The following LINGO2 variants were observed in gnomAD, a reference collection of about 807,000 sequenced individuals.
The protein encoded by LINGO2 is leucine rich repeat and Ig domain containing 2.
LINGO2 carries 14 observed loss-of-function variants against 30.6 expected under a neutral mutation model. The ratio of observed to expected loss-of-function variants is 0.46; its 90% confidence interval spans 0.30 to 0.72. The LOEUF (loss-of-function observed/expected upper bound fraction) is 0.72. Among genes scored for constraint, LINGO2 ranks in the 30% least tolerant of loss-of-function variants. The pLI is 0.07. For synonymous variants in LINGO2, 317 were observed against 288.5 expected (o/e 1.10, Z -1.00); for missense variants, 729 against 751.7 (o/e 0.97, Z 0.35).
intron 1 of LINGO2, among the ~76,000 whole-genome samples, chr9:28,634,758 TTA>T (rs1827177418): frequency 6.6e-6 from 1 of 152,096 alleles, no homozygotes; most frequent in Non-Finnish European, 1.5e-5. Context: ...AGTGCTAGGA[TTA>T]CAGGCATGAG....
At chr9:28,447,589 G>A (rs1365919191) in intron 2 of LINGO2, among the ~76,000 whole-genome samples, 1 of 152,122 alleles carries the variant, frequency 6.6e-6, no homozygotes, top group Non-Finnish European at 1.5e-5. Context: ...AAGTCAGCCT[G>A]GGGAACATAG....
the LINGO2 span, among the ~76,000 whole-genome samples, chr9:29,102,289 G>A: frequency 2.6e-5 from 4 of 152,042 alleles, no homozygotes; most frequent in Non-Finnish European, 5.9e-5. Flanking sequence ...CACCGTAGTA[G>A]CCAGTATGGT....
intron 4 of LINGO2, among the ~76,000 whole-genome samples, chr9:28,084,513 A>G (rs1313513023): frequency 2.0e-5 from 3 of 152,134 alleles, no homozygotes; most frequent in Admixed American, 2.0e-4. Flanking sequence ...GTACTTATCA[A>G]TATTATCTTA....
the LINGO2 span, among the ~76,000 whole-genome samples, chr9:29,090,283 T>C: frequency 6.6e-6 from 1 of 152,044 alleles, no homozygotes; most frequent in Non-Finnish European, 1.5e-5. Context: ...GTGCCATTAT[T>C]CTACCACCCA....
At chr9:28,040,909 G>C (rs896554447) in intron 4 of LINGO2, among the ~76,000 whole-genome samples, 2 of 152,170 alleles carry the variant, frequency 1.3e-5, no homozygotes, top group African/African-American at 4.8e-5. Context: ...AGATGCTATA[G>C]AGGTAGAGGA....
the LINGO2 span, among the ~76,000 whole-genome samples, chr9:28,851,191 T>G: frequency 1.3e-5 from 2 of 152,072 alleles, no homozygotes; most frequent in African/African-American, 4.8e-5. Flanking sequence ...AACACAGATT[T>G]ATTATCATTG....
At chr9:28,283,547 G>A (rs1823400648) in intron 4 of LINGO2, among the ~76,000 whole-genome samples, 1 of 152,032 alleles carries the variant, frequency 6.6e-6, no homozygotes, top group African/African-American at 2.4e-5. Context: ...CATAGGGATT[G>A]GATTATTAAT....
At chr9:28,953,689 A>C in the LINGO2 span, among the ~76,000 whole-genome samples, 1 of 152,114 alleles carries the variant, frequency 6.6e-6, no homozygotes, top group Non-Finnish European at 1.5e-5. Context: ...TCTGATATAG[A>C]CATGTATTTT....
At chr9:28,742,342 AGTATTTTT>A in the LINGO2 span, among the ~76,000 whole-genome samples, 1 of 151,460 alleles carries the variant, frequency 6.6e-6, no homozygotes, top group Non-Finnish European at 1.5e-5. Flanking sequence ...ATATTGCCGA[AGTATTTTT>A]GTATGCAGAT....
the LINGO2 span, among the ~76,000 whole-genome samples, chr9:29,080,179 GTA>G: frequency 2.9e-4 from 44 of 152,160 alleles, 1 homozygote; most frequent in South Asian, 7.1e-3. Flanking sequence ...TTGGGAGGGG[GTA>G]TGTGACCAGG....
At chr9:28,834,349 T>C in the LINGO2 span, among the ~76,000 whole-genome samples, 1 of 152,192 alleles carries the variant, frequency 6.6e-6, no homozygotes, top group Admixed American at 6.5e-5. Context: ...TCTGTTACTA[T>C]GGTAATTCTT....
chr9:27,993,998 A>G (rs1821529848), intron 5 of LINGO2, among the ~76,000 whole-genome samples: 1 of 152,134 alleles, frequency 6.6e-6, no homozygotes, highest in African/African-American at 2.4e-5. Context: ...ATAACGAGGA[A>G]CTTTGGAAAC....
the LINGO2 span, among the ~76,000 whole-genome samples, chr9:28,722,485 G>T: frequency 6.6e-6 from 1 of 152,066 alleles, no homozygotes. Context: ...GAAGAGCAAA[G>T]CAGTCTAAAA....
intron 4 of LINGO2, among the ~76,000 whole-genome samples, chr9:28,241,267 C>CAAAAAAAAAAA (rs1164724626): frequency 2.4e-5 from 2 of 83,606 alleles, no homozygotes; most frequent in African/African-American, 4.8e-5. Context: ...GACCCTGTCT[C>CAAAAAAAAAAA]AAAAAAAAAA....
chr9:28,250,535 A>C (rs894686433), intron 4 of LINGO2, among the ~76,000 whole-genome samples: 34 of 152,154 alleles, frequency 2.2e-4, no homozygotes, highest in African/African-American at 8.2e-4. Context: ...GCAGTTTTGC[A>C]GGACAGAAAA....
At chr9:29,139,244 G>A in the LINGO2 span, among the ~76,000 whole-genome samples, 1 of 152,110 alleles carries the variant, frequency 6.6e-6, no homozygotes, top group East Asian at 1.9e-4. Context: ...TGAGATGTCT[G>A]AAGCCCTAGC....
At chr9:28,990,207 G>C in the LINGO2 span, among the ~76,000 whole-genome samples, 1 of 152,176 alleles carries the variant, frequency 6.6e-6, no homozygotes, top group East Asian at 1.9e-4. Flanking sequence ...ATTATATCCC[G>C]CATCCGGCTC....
At chr9:28,796,541 C>T in the LINGO2 span, among the ~76,000 whole-genome samples, 1 of 152,052 alleles carries the variant, frequency 6.6e-6, no homozygotes, top group East Asian at 1.9e-4. Flanking sequence ...TGCACTAAAT[C>T]TATTGAAATG....
At chr9:28,104,477 T>C (rs1826521206) in intron 4 of LINGO2, among the ~76,000 whole-genome samples, 1 of 151,904 alleles carries the variant, frequency 6.6e-6, no homozygotes, top group South Asian at 2.1e-4. Context: ...ATATTTTGTA[T>C]GAGGCGCAAA....
Sources: gnomAD v4.1 joint callset for allele counts (sites outside exome capture counted in the v4.1 genomes callset) on GRCh38, gnomAD v4.1.1 for gene constraint, MANE v1.5 for transcripts, NCBI Gene and HGNC (gene_info 2026-07-23, HGNC 2026-07-21) for gene names.